The following NFATC1 variants were observed in gnomAD, a reference collection of about 807,000 sequenced individuals.
NFATC1 encodes nuclear factor of activated T-cells, cytoplasmic 1.
A neutral mutation model predicts 76.0 loss-of-function variants in NFATC1; 22 were observed. The ratio of observed to expected loss-of-function variants is 0.29; its 90% CI spans 0.21 to 0.41. The LOEUF is 0.41. NFATC1 is among the 10% of genes least tolerant of loss of function. NFATC1 has a pLI of 1.00. For missense variants in NFATC1, 1,357 were observed against 1,337.7 expected, an observed-to-expected ratio of 1.01 and a Z score of -0.23; for synonymous variants, 704 against 613.1, an observed-to-expected ratio of 1.15 and a Z score of -2.19.
At chr18:79,493,886 C>A (rs2089778821) in intron 9 of NFATC1, 1 of 152,260 alleles carries the variant, frequency 6.6e-6, no homozygotes, top group African/African-American at 2.4e-5. Flanking sequence ...TCGCACCGCA[C>A]GCCACCCGGA....
At chr18:79,478,925 C>T (rs953456195) in intron 8 of NFATC1, among the ~76,000 whole-genome samples, 15 of 152,210 alleles carry the variant, frequency 9.9e-5, no homozygotes, top group Non-Finnish European at 4.4e-5. Flanking sequence ...GGACGGTTTA[C>T]CTGTCAGCTC....
At chr18:79,455,614 G>A (rs1051748565) in intron 6 of NFATC1, among the ~76,000 whole-genome samples, 9 of 152,148 alleles carry the variant, frequency 5.9e-5, no homozygotes, top group Non-Finnish European at 2.9e-5. Context: ...TGGCCTGCAC[G>A]GTGGGAGCGA....
At chr18:79,418,068 C>T (rs73969235) in intron 2 of NFATC1, among the ~76,000 whole-genome samples, 9,848 of 152,160 alleles carry the variant, frequency 0.065, 579 homozygotes, top group East Asian at 0.2. Context: ...TGTCCTTGGT[C>T]CCTGCCACCA....
intron 3 of NFATC1, among the ~76,000 whole-genome samples, chr18:79,441,637 TCA>T (rs2086979177): frequency 6.6e-6 from 1 of 151,976 alleles, no homozygotes; most frequent in South Asian, 2.1e-4. Flanking sequence ...GGAAACCACC[TCA>T]CTTCTGACAA....
chr18:79,428,004 G>A (rs191463295), intron 2 of NFATC1, among the ~76,000 whole-genome samples: 2 of 149,674 alleles, frequency 1.3e-5, no homozygotes, highest in Admixed American at 6.6e-5. Flanking sequence ...TATGTAGTCG[G>A]GGAGGCTGGA....
At chr18:79,424,353 C>T (rs1420782825) in intron 2 of NFATC1, among the ~76,000 whole-genome samples, 2 of 152,266 alleles carry the variant, frequency 1.3e-5, no homozygotes, top group Non-Finnish European at 2.9e-5. Context: ...GGGGGCAAAG[C>T]TGGCCTCCGA....
At chr18:79,514,565 A>G (rs1187253165) in intron 9 of NFATC1, among the ~76,000 whole-genome samples, 1 of 17,648 alleles carries the variant, frequency 5.7e-5, no homozygotes, top group East Asian at 3.6e-4. Context: ...ACCCTGCCTC[A>G]AAAAAAAAAA....
rs560007067 is a variant in NFATC1, at chr18:79,476,203, G to A, written c.2092+8621G>A. On this transcript the variant is annotated intron_variant, in intron 8 of 9. Coordinates refer to ENST00000427363, the MANE Select transcript of NFATC1 (RefSeq NM_001278669.2). Reference sequence around the variant, plus strand: ...GGGCGCCCTGAGCTTGGCGACGCCAGCCGCGCGCCTGGGAGGGATCCGCCT... The same window carrying A: ...GGGCGCCCTGAGCTTGGCGACGCCAACCGCGCGCCTGGGAGGGATCCGCCT... Among the ~76,000 whole-genome samples the A allele has an allele frequency of 6.6e-5, 10 of 152,372 alleles. No individual in the cohort carries two copies. The South Asian group carries it at 1.9e-3, about 28-fold the overall frequency.
At chr18:79,407,876 CT>C (rs1299877796) in intron 1 of NFATC1, among the ~76,000 whole-genome samples, 1 of 152,246 alleles carries the variant, frequency 6.6e-6, no homozygotes, top group Non-Finnish European at 1.5e-5. Flanking sequence ...CCCCAAGGCG[CT>C]CAGCCTCAGC....
At chr18:79,401,980 G>C (rs866374120) in intron 1 of NFATC1, among the ~76,000 whole-genome samples, 2 of 152,196 alleles carry the variant, frequency 1.3e-5, no homozygotes, top group East Asian at 1.9e-4. Flanking sequence ...AGAAGCACAG[G>C]GGGTAGTTAT....
At chr18:79,428,165 G>A (rs1203809514) in intron 2 of NFATC1, among the ~76,000 whole-genome samples, 2 of 152,172 alleles carry the variant, frequency 1.3e-5, no homozygotes, top group Non-Finnish European at 2.9e-5. Flanking sequence ...TCGGGCCGGT[G>A]GGCAGGCTGG....
chr18:79,507,705 C>A (rs1028747562), intron 9 of NFATC1, among the ~76,000 whole-genome samples: 6 of 152,250 alleles, frequency 3.9e-5, no homozygotes. Context: ...GCACCCCCAC[C>A]CGTGATGTGT....
chr18:79,474,481 C>T lies in NFATC1; in HGVS notation c.2092+6899C>T, dbSNP rs1302390194. ...GTCGACGTTGTAAACCTGAGGGAAGCGTGTTCTCACACTCACTGTCGACGT... is the reference window on the plus strand; with the variant it reads ...GTCGACGTTGTAAACCTGAGGGAAGTGTGTTCTCACACTCACTGTCGACGT... On this transcript the variant is annotated intron_variant, in intron 8 of 9. Coordinates refer to ENST00000427363, the MANE Select transcript of NFATC1 (RefSeq NM_001278669.2). Among the ~76,000 whole-genome samples, 17 of 149,598 alleles carry T rather than the reference C, an allele frequency of 1.1e-4. 1 individual carries two copies. The highest frequency in any genetic ancestry group is 2.2e-4 in the African/African-American group (9 of 40,242).
chr18:79,510,077 C>A (rs141668786), intron 9 of NFATC1, among the ~76,000 whole-genome samples: 1 of 152,158 alleles, frequency 6.6e-6, no homozygotes, highest in African/African-American at 2.4e-5. Context: ...CTTCAGAAAC[C>A]AAATTTAGGA....
rs755515445 is a variant in NFATC1, at chr18:79,410,478, C to A, written c.203C>A (p.Pro68Gln). 6.2e-7 allele frequency: 1 copy of A among 1,612,344 alleles called. No individual in the cohort carries two copies. The highest frequency in any genetic ancestry group is 1.1e-5 in the South Asian group (1 of 91,074). Residue 68 changes from proline (P) to glutamine (Q), a missense_variant, in exon 2 of 10, where the codon CCG (proline) becomes CAG (glutamine). Coordinates refer to ENST00000427363, the MANE Select transcript of NFATC1 (RefSeq NM_001278669.2). This position sits in a 1 kb window ranked among gnomAD's most constrained non-coding sequence, Gnocchi z 6.7. ...ACGGCGCACTCCACCCTGCCGGCCC[C>A]GTGCCACAACCTTCAGACCTCCACA... ...LPTAHSTLPA[P>Q]CHNLQTSTPG...
chr18:79,464,704 T>A (rs60088126), intron 7 of NFATC1, among the ~76,000 whole-genome samples: 1,638 of 75,056 alleles, frequency 0.022, 96 homozygotes, highest in African/African-American at 0.086. Flanking sequence ...ATTTATTTAT[T>A]TATTTATTTT....
In NFATC1 at chr18:79,411,179, G is replaced by T. The variant is rs1169469094; in HGVS notation, c.904G>T (p.Gly302Cys). 2 of 1,611,754 alleles carry T rather than the reference G, an allele frequency of 1.2e-6. No homozygotes were observed. Among genetic ancestry groups the T allele is most frequent in the Non-Finnish European group, 1.7e-6 (2 of 1,179,864 alleles). The change falls in exon 2 of 10, where the codon GGC becomes TGC. Residue 302 changes from glycine (G) to cysteine (C), a missense_variant. This residue lies in a region of NFATC1 where 691 missense variants were observed against 613.1 expected (regional missense o/e 1.13). Coordinates refer to ENST00000427363, the MANE Select transcript of NFATC1 (RefSeq NM_001278669.2). ...RVSVTDDSWL[G>C]NTTQYTSSAI... ...CAGCGTGACCGACGACTCGTGGTTG[G>T]GCAACACCACCCAGTACACCAGCTC...
intron 3 of NFATC1, among the ~76,000 whole-genome samples, chr18:79,444,420 T>TC (rs1200617954): frequency 1.3e-5 from 2 of 151,508 alleles, no homozygotes; most frequent in African/African-American, 4.9e-5. Flanking sequence ...GCTGTGTCCT[T>TC]CCCCCACCCA....
intron 1 of NFATC1, chr18:79,400,128 C>A: frequency 1.1e-6 from 1 of 933,092 alleles, no homozygotes; most frequent in Non-Finnish European, 1.3e-6. Context: ...CCTGCGGTCG[C>A]GCGCGCGCGA....
Sources: gnomAD v4.1 joint callset for allele counts (sites outside exome capture counted in the v4.1 genomes callset) on GRCh38, gnomAD v4.1.1 for gene constraint, gnomAD v4.1.1 regional missense constraint, Gnocchi (gnomAD v3.1) non-coding constraint, MANE v1.5 for transcripts, NCBI Gene and HGNC (gene_info 2026-07-23, HGNC 2026-07-21) for gene names.